TPCN2: variants seen among roughly 807,000 people sequenced by gnomAD.
The protein encoded by TPCN2 is two pore segment channel 2.
In TPCN2, 92 loss-of-function variants were observed where a neutral mutation model predicts 111.4. The ratio of observed to expected loss-of-function variants is 0.83; its 90% confidence interval spans 0.70 to 0.98. The LOEUF is 0.98. Among genes scored for constraint, TPCN2 ranks in the 50% least tolerant of loss-of-function variants. The pLI is 0.00. For synonymous variants in TPCN2, 405 were observed against 414.5 expected, an observed-to-expected ratio of 0.98 and a Z score of 0.28; for missense variants, 995 against 980.1, an observed-to-expected ratio of 1.02 and a Z score of -0.20.
chr11:69,078,839 C>G (rs1310961252), intron 15 of TPCN2, 46 bp downstream of exon 15: 5 of 1,613,966 alleles, frequency 3.1e-6, no homozygotes, highest in Non-Finnish European at 4.2e-6. Flanking sequence ...TGAGGCTGGG[C>G]AGTGCTGGCA....
intron 6 of TPCN2, 121 bp downstream of exon 6, chr11:69,063,111 C>G (rs1420410238): frequency 2.3e-6 from 2 of 859,230 alleles, no homozygotes; most frequent in Non-Finnish European, 3.7e-6. Flanking sequence ...GCATCCCTGG[C>G]TGGCTGGTGA....
intron 13 of TPCN2, among the ~76,000 whole-genome samples, chr11:69,073,921 A>G (rs1288337386): frequency 2.6e-5 from 4 of 152,116 alleles, no homozygotes; most frequent in Admixed American, 1.3e-4. Flanking sequence ...TCACGTGGTC[A>G]TCCCTCTGTG....
intron 2 of TPCN2, 133 bp downstream of exon 2, chr11:69,054,230 G>A: frequency 2.8e-6 from 2 of 714,658 alleles, no homozygotes; most frequent in South Asian, 3.3e-5. Context: ...TGAGGGTGGA[G>A]CCTCTGGGCA....
At position 69,055,268 on chromosome 11, in the gene TPCN2, T is replaced by C; in HGVS notation, c.345T>C (p.Ala115=). The C allele has an allele frequency of 1.9e-6, 3 of 1,614,154 alleles. No homozygotes were observed. Among genetic ancestry groups the C allele is most frequent in the Non-Finnish European group, 2.5e-6 (3 of 1,179,992 alleles). ...LTSTADVRYR[A]APWEPPCGLT... The stretch of plus-strand genomic sequence containing the variant: ...GCACGGCGGACGTGCGCTACCGCGC[T>C]GCTCCCTGGGAGCCGCCCTGCGGCC... The change falls in exon 4 of 25, where the codon GCT becomes GCC. Residue 115 remains alanine (A), a synonymous_variant. Transcript: ENST00000294309.
At chr11:69,049,238 C>G in intron 1 of TPCN2, 132 bp downstream of exon 1, 1 of 539,086 alleles carries the variant, frequency 1.9e-6, no homozygotes, top group Non-Finnish European at 2.8e-6. Context: ...GGGCCCGGGC[C>G]GCGCCGGGTG....
chr11:69,076,864 A>C (rs111170099), intron 13 of TPCN2, among the ~76,000 whole-genome samples: 518 of 12,440 alleles, frequency 0.042, no homozygotes, highest in Admixed American at 0.058. Context: ...TCCTGCCCTC[A>C]TGCCATGTCC....
chr11:69,057,870 G>A (rs7932387), intron 5 of TPCN2, among the ~76,000 whole-genome samples, 176 bp downstream of exon 5: 11,156 of 152,278 alleles, frequency 0.073, 1,418 homozygotes, highest in African/African-American at 0.25. Flanking sequence ...CCTTGTTCCT[G>A]TCTCACAGAT....
intron 19 of TPCN2, chr11:69,084,744 G>A: frequency 2.0e-6 from 2 of 985,436 alleles, no homozygotes; most frequent in East Asian, 1.1e-4. Context: ...CCCCAGCTGT[G>A]CCTCGCGCCT....
intron 5 of TPCN2, among the ~76,000 whole-genome samples, chr11:69,059,827 G>A (rs1002081114): frequency 2.6e-5 from 4 of 152,222 alleles, no homozygotes; most frequent in Admixed American, 1.3e-4. Context: ...GGGCCCCTCT[G>A]TTGTCAGGGG....
intron 5 of TPCN2, among the ~76,000 whole-genome samples, chr11:69,060,888 G>A (rs140218848): frequency 6.6e-6 from 1 of 152,230 alleles, no homozygotes; most frequent in Non-Finnish European, 1.5e-5. Flanking sequence ...GGCGCACAGG[G>A]CAGGGGCCAG....
At chr11:69,049,605 T>A (rs888670398) in intron 1 of TPCN2, among the ~76,000 whole-genome samples, 9 of 151,886 alleles carry the variant, frequency 5.9e-5, no homozygotes, top group South Asian at 2.1e-4. Context: ...CGAGGTGGGA[T>A]TCGAACCAGT....
chr11:69,082,210 C>T (rs923821779), intron 18 of TPCN2, among the ~76,000 whole-genome samples: 3 of 152,216 alleles, frequency 2.0e-5, no homozygotes, highest in African/African-American at 4.8e-5. Flanking sequence ...CGCACACACA[C>T]GCGCACACGT....
chr11:69,070,356 A>G (rs1373169052), intron 8 of TPCN2, 74 bp from the exon 9 acceptor site: 9 of 1,237,924 alleles, frequency 7.3e-6, no homozygotes, highest in South Asian at 1.2e-5. Context: ...GCAAAAGCAA[A>G]TAGTGTAGCG....
chr11:69,061,235 C>T (rs1413476605), intron 5 of TPCN2, among the ~76,000 whole-genome samples: 10 of 152,112 alleles, frequency 6.6e-5, no homozygotes, highest in Non-Finnish European at 1.2e-4. Context: ...CTGCAGGTTG[C>T]GGGGGCTGAG....
At chr11:69,054,271 C>A in intron 2 of TPCN2, 174 bp downstream of exon 2, 1 of 610,184 alleles carries the variant, frequency 1.6e-6, no homozygotes, top group South Asian at 1.9e-5. Flanking sequence ...GAGGACTTGT[C>A]TTCTGCATCC....
At chr11:69,076,069 G>A (rs1183472466) in intron 13 of TPCN2, among the ~76,000 whole-genome samples, 1 of 152,200 alleles carries the variant, frequency 6.6e-6, no homozygotes, top group Non-Finnish European at 1.5e-5. Context: ...TGGCAACTAC[G>A]ATAAAAGAGT....
Position 69,087,910 on chromosome 11 carries a change from C to CA in TPCN2, c.2217dup (p.Glu740ArgfsTer54). The CA allele has an allele frequency of 6.2e-7, 1 of 1,612,486 alleles. No homozygotes were observed. The highest frequency in any genetic ancestry group is 8.5e-7 in the Non-Finnish European group (1 of 1,179,886). ...GAGGAGCCCGGGGAGGATGAGCTCA[C>CA]AGAGAGGCTGAGCCAGCACCCGCAC... is the stretch of plus-strand genomic sequence containing the variant. On this transcript the variant is annotated frameshift_variant, in exon 25 of 25. Coordinates refer to ENST00000294309, the MANE Select transcript of TPCN2 (RefSeq NM_139075.4). LOFTEE classifies it high-confidence loss of function.
chr11:69,055,538 C>T (rs1472101532), intron 4 of TPCN2, among the ~76,000 whole-genome samples, 186 bp downstream of exon 4: 2 of 152,346 alleles, frequency 1.3e-5, no homozygotes, highest in East Asian at 1.9e-4. Context: ...TGTCAGCTCT[C>T]CTCCCTCTCC....
At chr11:69,071,271 C>A in intron 9 of TPCN2, 85 bp from the exon 10 acceptor site, 3 of 1,059,210 alleles carry the variant, frequency 2.8e-6, no homozygotes, top group Non-Finnish European at 4.4e-6. Flanking sequence ...GCCCCCGGCG[C>A]TGTGCTATCC....
Sources: allele counts gnomAD v4.1 joint callset (sites outside exome capture counted in the v4.1 genomes callset), GRCh38; gene constraint gnomAD v4.1.1; transcripts MANE v1.5; gene names NCBI Gene and HGNC (gene_info 2026-07-23, HGNC 2026-07-21).